Variants in SORBS2 observed in about 807,000 individuals in gnomAD.
SORBS2 encodes sorbin and SH3 domain containing 2.
SORBS2 carries 46 observed loss-of-function variants against 97.7 expected under a neutral mutation model. The ratio of observed to expected loss-of-function variants is 0.47; its 90% confidence interval spans 0.37 to 0.60. The LOEUF is 0.60. Among genes scored for constraint, SORBS2 ranks in the 20% least tolerant of loss-of-function variants. The pLI, the probability that SORBS2 is intolerant of heterozygous loss-of-function variation, is 0.00. For missense variants in SORBS2, 1,316 were observed against 1,282.3 expected (o/e 1.03, Z -0.40); for synonymous variants, 476 against 473.4 (o/e 1.01, Z -0.07).
chr4:185,706,585 G>T (rs2153539464), intron 2 of SORBS2, among the ~76,000 whole-genome samples: 1 of 152,196 alleles, frequency 6.6e-6, no homozygotes, highest in South Asian at 2.1e-4. Flanking sequence ...TAAAGCCAAA[G>T]ATAGACCTTC....
Position 185,890,346 on chromosome 4 carries a change from A to G in SORBS2, c.-338+65850T>C, listed in dbSNP as rs895035133. Among the ~76,000 whole-genome samples the G allele has an allele frequency of 3.9e-5, 6 of 152,116 alleles. No homozygotes were observed. In the East Asian group the frequency reaches 5.8e-4, roughly 15 times the overall value. On this transcript the variant is annotated intron_variant, in intron 1 of 20. Transcript: ENST00000284776. ...ACAGAAGTCACCGTGGCTAACATCT[A>G]TGGAATTCTGGTATGTTCTGGGGAC...
At chr4:185,924,800 C>A (rs1180209171) in intron 1 of SORBS2, among the ~76,000 whole-genome samples, 1 of 152,190 alleles carries the variant, frequency 6.6e-6, no homozygotes, top group Non-Finnish European at 1.5e-5. Context: ...ATCCCCACTC[C>A]CTCCGTCTCT....
intron 2 of SORBS2, among the ~76,000 whole-genome samples, chr4:185,725,267 A>G (rs555219123): frequency 6.6e-6 from 1 of 152,306 alleles, no homozygotes; most frequent in East Asian, 1.9e-4. Flanking sequence ...TCCTGCAAAA[A>G]GCGCCAGGCT....
chr4:185,693,906 A>T (rs1234199245), intron 2 of SORBS2, among the ~76,000 whole-genome samples: 1 of 152,250 alleles, frequency 6.6e-6, no homozygotes, highest in African/African-American at 2.4e-5. Context: ...TGAGGTTTTC[A>T]TCTTTAAAGT....
chr4:185,592,595 G>T (rs1352007904), intron 13 of SORBS2: 2 of 153,870 alleles, frequency 1.3e-5, no homozygotes, highest in South Asian at 2.0e-4. Context: ...TTGCTCTGTT[G>T]CCCAGGCTGG....
intron 2 of SORBS2, chr4:185,773,810 G>A (rs1160643559): frequency 6.6e-6 from 1 of 152,220 alleles, no homozygotes; most frequent in Non-Finnish European, 1.5e-5. Context: ...TCACAATGAA[G>A]AGAATATTCC....
chr4:185,602,399 T>C (rs796427115), intron 12 of SORBS2, among the ~76,000 whole-genome samples: 36 of 152,280 alleles, frequency 2.4e-4, no homozygotes, highest in African/African-American at 8.2e-4. Context: ...ATTTATACAT[T>C]AAACATAATT....
chr4:185,877,239 T>C (rs899023506), intron 1 of SORBS2, among the ~76,000 whole-genome samples: 1 of 152,158 alleles, frequency 6.6e-6, no homozygotes, highest in African/African-American at 2.4e-5. Context: ...TAATTTACCA[T>C]CTATTAAACA....
chr4:185,818,315 G>C (rs1355965272), intron 1 of SORBS2, among the ~76,000 whole-genome samples: 1 of 151,920 alleles, frequency 6.6e-6, no homozygotes, highest in African/African-American at 2.4e-5. Flanking sequence ...TCAGCCTCCC[G>C]AGTAGCTGGG....
intron 1 of SORBS2, among the ~76,000 whole-genome samples, chr4:185,820,101 C>T (rs527771942): frequency 1.3e-5 from 2 of 152,256 alleles, no homozygotes; most frequent in African/African-American, 4.8e-5. Context: ...CACGGACCTC[C>T]GGGACCTTCC....
Position 185,670,276 on chromosome 4 carries a change from T to C in SORBS2, c.-45-8034A>G, listed in dbSNP as rs184591742. Among the ~76,000 whole-genome samples the C allele has an allele frequency of 7.4e-4, 112 of 152,224 alleles. No individual in the cohort carries two copies. The East Asian group carries it at 0.014, about 18-fold the overall frequency. On this transcript the variant is annotated intron_variant, in intron 4 of 20. Coordinates refer to the SORBS2 transcript ENST00000284776. ...AATAAAATATTTAAGCTTAAAATAA[T>C]GTGTGAGTGTTAATAACGTGCGTTT...
chr4:185,756,811 T>C (rs1328742741), intron 2 of SORBS2, among the ~76,000 whole-genome samples: 1 of 151,496 alleles, frequency 6.6e-6, no homozygotes, highest in African/African-American at 2.4e-5. Flanking sequence ...TCCCGTGGCA[T>C]GCTCCTAAAA....
chr4:185,672,105 GAT>G (rs1269492993), intron 4 of SORBS2, among the ~76,000 whole-genome samples: 2 of 152,238 alleles, frequency 1.3e-5, no homozygotes, highest in Non-Finnish European at 2.9e-5. Flanking sequence ...GGCCGGTCTT[GAT>G]AGCAATGTTC....
chr4:185,591,944 G>A (rs149406291), intron 13 of SORBS2: 14 of 152,354 alleles, frequency 9.2e-5, no homozygotes, highest in Non-Finnish European at 1.8e-4. Context: ...AACCCACGGA[G>A]TTTTATGGAA....
At chr4:185,817,869 T>C (rs2099194225) in intron 1 of SORBS2, among the ~76,000 whole-genome samples, 1 of 152,210 alleles carries the variant, frequency 6.6e-6, no homozygotes, top group South Asian at 2.1e-4. Flanking sequence ...TTGTGTCTTC[T>C]AGAAGTGCTT....
At chr4:185,850,482 T>C (rs2099217225) in intron 1 of SORBS2, among the ~76,000 whole-genome samples, 1 of 152,192 alleles carries the variant, frequency 6.6e-6, no homozygotes, top group South Asian at 2.1e-4. Context: ...CTGGCATCAC[T>C]GGCCTTGGAA....
chr4:185,858,442 T>C (rs1349346810), intron 1 of SORBS2, among the ~76,000 whole-genome samples: 1 of 152,182 alleles, frequency 6.6e-6, no homozygotes, highest in African/African-American at 2.4e-5. Flanking sequence ...ACCACTTAAT[T>C]TTGTATTTTT....
chr4:185,639,443 CA>C (rs1444896454), intron 4 of SORBS2, among the ~76,000 whole-genome samples: 1 of 152,192 alleles, frequency 6.6e-6, no homozygotes, highest in African/African-American at 2.4e-5. Flanking sequence ...AAAAAACTAG[CA>C]GTGTTAATAT....
intron 14 of SORBS2, among the ~76,000 whole-genome samples, chr4:185,588,593 C>CCTCCTCCTCCTCCCT (rs1554048144): frequency 2.1e-4 from 14 of 65,268 alleles, no homozygotes; most frequent in East Asian, 9.7e-4. Context: ...CGTTTCTCCT[C>CCTCCTCCTCCTCCCT]CCTCCTCCTC....
Sources: gnomAD v4.1 joint callset for allele counts (sites outside exome capture counted in the v4.1 genomes callset) on GRCh38, gnomAD v4.1.1 for gene constraint, MANE v1.5 for transcripts, NCBI Gene and HGNC (gene_info 2026-07-23, HGNC 2026-07-21) for gene names.